Variants in MIAT observed in about 807,000 individuals in gnomAD.
The protein encoded by MIAT is MI related novel mRNA.
chr22:26,657,587 C>T, intron 2 of MIAT: 1 of 398,730 alleles, frequency 2.5e-6, no homozygotes, highest in Middle Eastern at 6.3e-4. Context: ...GGGGCTCCCC[C>T]AGTTCTGCGC....
exon 4 of MIAT, chr22:26,665,639 C>CA (rs1930819821): frequency 2.5e-6 from 1 of 398,532 alleles, no homozygotes; most frequent in Non-Finnish European, 4.4e-6. Flanking sequence ...TTAAACTTAC[C>CA]AGCCCATAGC....
chr22:26,667,329 G>A, intron 5 of MIAT: 1 of 328,556 alleles, frequency 3.0e-6, no homozygotes, highest in East Asian at 4.1e-5. Context: ...CTCGTCCTGG[G>A]AGCAGTGTGT....
chr22:26,652,311 C>G (rs1930350114), intron 2 of MIAT, among the ~76,000 whole-genome samples: 1 of 152,058 alleles, frequency 6.6e-6, no homozygotes, highest in Non-Finnish European at 1.5e-5. Context: ...TGTGCCCGAC[C>G]TTAGATTATG....
exon 4 of MIAT, chr22:26,665,920 A>G (rs925158355): frequency 5.0e-6 from 2 of 398,610 alleles, no homozygotes; most frequent in East Asian, 3.6e-5. Flanking sequence ...CTGCTATTAG[A>G]AGGAGGCTGG....
chr22:26,666,024 G>C (rs1054954683), exon 4 of MIAT: 1 of 398,494 alleles, frequency 2.5e-6, no homozygotes, highest in African/African-American at 2.1e-5. Context: ...CTTGGCCTTA[G>C]AGTTAAGTGA....
Position 26,655,564 on chromosome 22 carries a change from G to A in MIAT, n.647-7752G>A, listed in dbSNP as rs866954288. On this transcript the variant is annotated intron_variant and non_coding_transcript_variant, in intron 2 of 5. Transcript: ENST00000643270. ...CACTTCCTTCATTTAGCCTGATGAT[G>A]TGGATTCCATTATTATCTCTACTTT... 3.9e-5 allele frequency among the ~76,000 whole-genome samples: 6 copies of A among 152,222 alleles called. No homozygotes were observed. The South Asian group carries it at 6.2e-4, about 16-fold the overall frequency.
chr22:26,670,239 C>G (rs2146018211), downstream of MIAT: 2 of 398,504 alleles, frequency 5.0e-6, no homozygotes, highest in Non-Finnish European at 8.8e-6. Flanking sequence ...AAATTCTACT[C>G]TCTCATCAGC....
intron 2 of MIAT, chr22:26,647,472 A>C: frequency 2.6e-6 from 1 of 386,776 alleles, no homozygotes. Flanking sequence ...CTAAACTGAA[A>C]TCAGCCCCAG....
intron 2 of MIAT, among the ~76,000 whole-genome samples, chr22:26,655,496 T>C (rs1930411125): frequency 6.6e-6 from 1 of 152,168 alleles, no homozygotes; most frequent in Non-Finnish European, 1.5e-5. Flanking sequence ...ATAATATAAA[T>C]ATGTCGTGAG....
chr22:26,673,936 C>A (rs1209730053), downstream of MIAT: 7 of 398,518 alleles, frequency 1.8e-5, no homozygotes, highest in Non-Finnish European at 2.7e-5. Flanking sequence ...GGTTTCAGTT[C>A]TTAAAAAAAT....
chr22:26,672,635 A>G, downstream of MIAT: 1 of 399,202 alleles, frequency 2.5e-6, no homozygotes, highest in Non-Finnish European at 4.4e-6. Flanking sequence ...TGACGGGGAT[A>G]GAAGCTGTCC....
intron 2 of MIAT, chr22:26,657,422 G>T: frequency 2.5e-6 from 1 of 398,142 alleles, no homozygotes; most frequent in Non-Finnish European, 4.4e-6. Flanking sequence ...GGTGAGGGCC[G>T]GGGGTGGGGC....
At position 26,669,494 on chromosome 22, in the gene MIAT, A is replaced by G. The variant is rs1270970449; in HGVS notation, n.3599A>G. 1.0e-5 allele frequency: 4 copies of G among 398,536 alleles called. No homozygotes were observed. The East Asian group carries it at 1.4e-4, about 14-fold the overall frequency. 24.7% of individuals were successfully genotyped at this position (398,536 alleles called of 1,614,324 possible). ...CTCTGGTGTCTCCTCCTCTTCTTAT[A>G]AAGACACTAATATCACCATATTAGG... On this transcript the variant is annotated non_coding_transcript_exon_variant, in exon 6 of 6. Transcript: ENST00000643270.
intron 2 of MIAT, chr22:26,658,340 G>A (rs2146003563): frequency 6.6e-6 from 1 of 152,346 alleles, no homozygotes; most frequent in Non-Finnish European, 1.5e-5. Context: ...CCACGAGGTG[G>A]TAAGAAACAA....
At chr22:26,676,005 G>A (rs771198215) in exon 5 of MIAT, 5 of 398,604 alleles carry the variant, frequency 1.3e-5, no homozygotes, top group East Asian at 7.1e-5. Context: ...CATTCTCTTC[G>A]ACCCCTCCCT....
chr22:26,671,530 C>T (rs575540458), downstream of MIAT: 3 of 398,700 alleles, frequency 7.5e-6, no homozygotes, highest in Admixed American at 4.4e-5. Context: ...ACCACCCCCC[C>T]GCAGCCAGAT....
chr22:26,673,824 C>G (rs760354259), downstream of MIAT: 1 of 398,668 alleles, frequency 2.5e-6, no homozygotes. Flanking sequence ...GTGGACCAGG[C>G]CTGATGGAGC....
chr22:26,648,196 C>T (rs1472835272), intron 2 of MIAT, among the ~76,000 whole-genome samples: 1 of 152,094 alleles, frequency 6.6e-6, no homozygotes, highest in East Asian at 1.9e-4. Context: ...GGCTGCAGCA[C>T]CTGCTGGGGC....
chr22:26,659,764 T>C (rs1569219588), intron 2 of MIAT, among the ~76,000 whole-genome samples: 5 of 146,618 alleles, frequency 3.4e-5, no homozygotes, highest in Admixed American at 2.8e-4. Context: ...TGCATGATAA[T>C]TGTAAAGGAT....
Sources: allele counts gnomAD v4.1 joint callset (sites outside exome capture counted in the v4.1 genomes callset), GRCh38; gene constraint gnomAD v4.1.1; transcripts MANE v1.5; gene names NCBI Gene and HGNC (gene_info 2026-07-23, HGNC 2026-07-21).